The following CFAP52 variants were observed in gnomAD, a reference collection of about 807,000 sequenced individuals.
CFAP52 encodes cilia and flagella associated protein 52.
In CFAP52, 57 loss-of-function variants were observed where a neutral mutation model predicts 70.5. That is an observed-to-expected ratio of 0.81 (90% CI 0.65 to 1.01). CFAP52 has a LOEUF of 1.01. Among genes scored for constraint, CFAP52 ranks in the 50% least tolerant of loss-of-function variants. The probability of loss-of-function intolerance (pLI) is 0.00; values close to 1 mark genes in which losing one functional copy is unlikely to be tolerated. For missense variants in CFAP52, 785 were observed against 788.5 expected (o/e 1.00, Z 0.05); for synonymous variants, 267 against 292.5 (o/e 0.91, Z 0.89).
chr17:9,638,996 A>AT (rs537395333), intron 12 of CFAP52: 25 of 349,566 alleles, frequency 7.2e-5, no homozygotes, highest in African/African-American at 5.1e-4. Context: ...TACTCAATAG[A>AT]TTGGTTTTTA....
At chr17:9,583,378 G>C (rs1908308573) in intron 1 of CFAP52, among the ~76,000 whole-genome samples, 1 of 151,814 alleles carries the variant, frequency 6.6e-6, no homozygotes, top group African/African-American at 2.4e-5. Flanking sequence ...AATTCCAGAG[G>C]GAGTTAAATA....
At chr17:9,641,604 T>G in intron 12 of CFAP52, 120 bp from the exon 13 acceptor site, 1 of 628,598 alleles carries the variant, frequency 1.6e-6, no homozygotes, top group Admixed American at 2.7e-5. Context: ...TTTCAGCCAG[T>G]ATCATCCCGT....
intron 8 of CFAP52, among the ~76,000 whole-genome samples, chr17:9,622,784 C>G (rs1300312855): frequency 6.6e-6 from 1 of 152,084 alleles, no homozygotes; most frequent in African/African-American, 2.4e-5. Flanking sequence ...ATGACTACCA[C>G]CCTGGTAAAG....
intron 6 of CFAP52, among the ~76,000 whole-genome samples, chr17:9,600,487 C>A (rs1395596920): frequency 6.6e-6 from 1 of 152,160 alleles, no homozygotes; most frequent in East Asian, 1.9e-4. Context: ...AAGTGATCTG[C>A]CCACCTTGGC....
At chr17:9,623,460 ACAAACTCCAT>A (rs1025662617) in intron 8 of CFAP52, among the ~76,000 whole-genome samples, 3 of 152,202 alleles carry the variant, frequency 2.0e-5, no homozygotes, top group Admixed American at 6.5e-5. Context: ...AAATCTTTAT[ACAAACTCCAT>A]CAAACTCCAT....
chr17:9,609,489 G>T (rs1192893366), intron 7 of CFAP52, among the ~76,000 whole-genome samples: 2 of 152,094 alleles, frequency 1.3e-5, no homozygotes, highest in South Asian at 2.1e-4. Flanking sequence ...GAGCCCAGGA[G>T]TTCCAGCCCA....
At chr17:9,597,088 C>G (rs1347468118) in intron 4 of CFAP52, among the ~76,000 whole-genome samples, 1 of 152,122 alleles carries the variant, frequency 6.6e-6, no homozygotes, top group Non-Finnish European at 1.5e-5. Context: ...CCCCCAGTCT[C>G]TGATAACCAC....
At chr17:9,589,747 A>ATTTTTTTTTT (rs1908658475) in intron 3 of CFAP52, among the ~76,000 whole-genome samples, 1 of 136,782 alleles carries the variant, frequency 7.3e-6, no homozygotes. Context: ...AAAAAAAAAA[A>ATTTTTTTTTT]AAAAAAAGAA....
intron 8 of CFAP52, among the ~76,000 whole-genome samples, chr17:9,616,045 C>T (rs928626379): frequency 3.3e-5 from 5 of 150,792 alleles, no homozygotes; most frequent in Admixed American, 6.6e-5. Flanking sequence ...CCAGCGTGAG[C>T]GACGCAGAAG....
chr17:9,576,884 C>T, intron 1 of CFAP52, 119 bp downstream of exon 1: 2 of 1,102,254 alleles, frequency 1.8e-6, no homozygotes, highest in Non-Finnish European at 2.5e-6. Flanking sequence ...CGGCAGGAGC[C>T]CTGGCCAGGG....
Position 9,635,455 on chromosome 17 carries a change from G to A in CFAP52, c.1371G>A (p.Leu457=), listed in dbSNP as rs1910731432. 6.2e-7 allele frequency: 1 copy of A among 1,614,090 alleles called. No homozygotes were observed. Among genetic ancestry groups the A allele is most frequent in the African/African-American group, 1.3e-5 (1 of 74,934 alleles). ...GCQTQKLEEA[L]KEHKSSVSCI... ...AGACCCAGAAGCTGGAGGAGGCCCT[G>A]AAGGAACACAAGTCATCAGTGTCCT... The change falls in exon 11 of 14, where the codon CTG becomes CTA. Residue 457 remains leucine, a synonymous_variant. Transcript: ENST00000352665.
intron 11 of CFAP52, among the ~76,000 whole-genome samples, chr17:9,638,181 A>G (rs1245846138): frequency 6.6e-6 from 1 of 152,190 alleles, no homozygotes; most frequent in Non-Finnish European, 1.5e-5. Context: ...AAACAAAATA[A>G]AATACCCTTC....
Position 9,598,324 on chromosome 17 carries a change from G to T in CFAP52, c.627G>T (p.Met209Ile). The T allele has an allele frequency of 6.2e-7, 1 of 1,610,148 alleles. No homozygotes were observed. Among genetic ancestry groups the T allele is most frequent in the South Asian group, 1.1e-5 (1 of 90,044 alleles). Residue 209 changes from methionine (M) to isoleucine (I), a missense_variant, in exon 5 of 14, where the codon ATG (methionine) becomes ATT (isoleucine). Transcript: ENST00000352665. ...CQTGQLKRIV[M>I]SIGVDDDDSF... ...CAGGACAGTTGAAAAGAATAGTCAT[G>T]AGTATTGGAGTAAGTATTAATTTAA...
chr17:9,590,042 T>C, intron 3 of CFAP52: 1 of 169,906 alleles, frequency 5.9e-6, no homozygotes, highest in South Asian at 1.7e-4. Context: ...TTTCACAGGC[T>C]TTGTCTGCCG....
intron 4 of CFAP52, among the ~76,000 whole-genome samples, chr17:9,597,123 C>CT (rs1467833573): frequency 6.6e-6 from 1 of 152,060 alleles, no homozygotes; most frequent in Non-Finnish European, 1.5e-5. Context: ...ATGCGTTAGG[C>CT]TTTTTTACAC....
intron 3 of CFAP52, among the ~76,000 whole-genome samples, chr17:9,592,333 G>A (rs907097727): frequency 1.3e-5 from 2 of 152,092 alleles, no homozygotes; most frequent in Admixed American, 6.6e-5. Flanking sequence ...GGGCGTGGTG[G>A]TGGTGGGCCC....
At chr17:9,589,746 A>T (rs1284148015) in intron 3 of CFAP52, among the ~76,000 whole-genome samples, 2 of 150,332 alleles carry the variant, frequency 1.3e-5, no homozygotes, top group African/African-American at 2.4e-5. Context: ...AAAAAAAAAA[A>T]AAAAAAAAGA....
intron 6 of CFAP52, among the ~76,000 whole-genome samples, chr17:9,606,767 C>T (rs997413635): frequency 6.6e-6 from 1 of 152,198 alleles, no homozygotes. Flanking sequence ...AAAAAATTCA[C>T]TCCATGTTTT....
At chr17:9,611,928 C>T (rs765061731) in intron 7 of CFAP52, among the ~76,000 whole-genome samples, 4 of 152,100 alleles carry the variant, frequency 2.6e-5, no homozygotes, top group African/African-American at 7.2e-5. Flanking sequence ...CATCCTTTGA[C>T]GTAAAGCATC....
Sources: gnomAD v4.1 joint callset for allele counts (sites outside exome capture counted in the v4.1 genomes callset) on GRCh38, gnomAD v4.1.1 for gene constraint, MANE v1.5 for transcripts, NCBI Gene and HGNC (gene_info 2026-07-23, HGNC 2026-07-21) for gene names.